The following MXRA7 variants were observed in gnomAD, a reference collection of about 807,000 sequenced individuals.
MXRA7 encodes the protein matrix remodeling associated 7.
MXRA7 carries 18 observed loss-of-function variants against 17.4 expected under a neutral mutation model. The observed-to-expected ratio is 1.03, with a 90% CI of 0.71 to 1.53. The LOEUF (loss-of-function observed/expected upper bound fraction) is 1.53. Ranked by LOEUF, MXRA7 falls within the 40% of genes most tolerant of loss-of-function variation. The pLI, the probability that MXRA7 is intolerant of heterozygous loss-of-function variation, is 0.00. For missense variants in MXRA7, 141 were observed against 209.3 expected (o/e 0.67, Z 2.01); for synonymous variants, 70 against 101.7 (o/e 0.69, Z 1.87).
chr17:76,701,596 T>C (rs550054320), intron 1 of MXRA7, among the ~76,000 whole-genome samples: 9 of 151,676 alleles, frequency 5.9e-5, no homozygotes, highest in Admixed American at 3.3e-4. Context: ...CTGCAGTTGA[T>C]ATTATGGGCA....
intron 2 of MXRA7, among the ~76,000 whole-genome samples, chr17:76,685,412 C>G (rs2076379562): frequency 6.6e-6 from 1 of 152,206 alleles, no homozygotes; most frequent in African/African-American, 2.4e-5. Flanking sequence ...TGCCACATCC[C>G]TCCCAACATC....
chr17:76,702,740 T>A (rs2143671658), intron 1 of MXRA7, among the ~76,000 whole-genome samples: 1 of 151,510 alleles, frequency 6.6e-6, no homozygotes, highest in African/African-American at 2.4e-5. Context: ...TAATCCCAAC[T>A]ATTTGGGAGC....
chr17:76,696,057 TGCACTCCA>T (rs1206919794), intron 1 of MXRA7, among the ~76,000 whole-genome samples: 1 of 152,056 alleles, frequency 6.6e-6, no homozygotes, highest in Non-Finnish European at 1.5e-5. Context: ...ATCGCACCAC[TGCACTCCA>T]GCCTGGGTGA....
exon 4 of MXRA7, chr17:76,674,230 G>A (rs2076222861): frequency 6.6e-6 from 1 of 152,046 alleles, no homozygotes; most frequent in Non-Finnish European, 1.5e-5. Context: ...TCTCTGACAT[G>A]GCTGCCAGGT....
chr17:76,688,783 G>A (rs1238356616), intron 1 of MXRA7: 4 of 801,928 alleles, frequency 5.0e-6, no homozygotes, highest in Non-Finnish European at 6.7e-6. Context: ...GAATGTCAGA[G>A]GATGAGAGCG....
At chr17:76,679,303 AAGAAG>A (rs2076268108), downstream of MXRA7, among the ~76,000 whole-genome samples, 1 of 133,674 alleles carries the variant, frequency 7.5e-6, no homozygotes, top group Non-Finnish European at 1.7e-5. Context: ...AAAAAAAAAA[AAGAAG>A]AAGAAGAGGA....
At position 76,681,391 on chromosome 17, in the gene MXRA7, G is replaced by A. The variant is rs201625714; in HGVS notation, c.501-512C>T. On this transcript the variant is annotated intron_variant, in intron 3 of 3. Transcript: ENST00000449428. This position sits in a 1 kb window ranked among gnomAD's most constrained non-coding sequence, Gnocchi z 4.7. Reference sequence around the variant, plus strand: ...CCTGGGACCACTGAGAACCCAGCAGGTCTGATCTTGTCCCTCTGACGCCCT... The same window carrying A: ...CCTGGGACCACTGAGAACCCAGCAGATCTGATCTTGTCCCTCTGACGCCCT... 1.3e-5 allele frequency among the ~76,000 whole-genome samples: 2 copies of A among 152,050 alleles called. No individual in the cohort carries two copies. Among genetic ancestry groups the A allele is most frequent in the South Asian group, 2.1e-4 (1 of 4,814 alleles).
Position 76,680,753 on chromosome 17 carries a change from C to A in MXRA7, c.*114G>T. 1 of 1,506,278 alleles carries A rather than the reference C, an allele frequency of 6.6e-7. No homozygotes were observed. The highest frequency in any genetic ancestry group is 8.9e-7 in the Non-Finnish European group (1 of 1,129,272). The allele number at this position is 1,506,278 out of a possible 1,614,324, so 93.3% of individuals were successfully genotyped here. A position where few individuals can be genotyped will look rare whatever the true frequency, so the allele number is the denominator to read the frequency against. ...CTAGAGCTCAGCAGATTTATGGAGG[C>A]AGCATGCACCCTGGGAGCCTGCCCA... On this transcript the variant is annotated 3_prime_UTR_variant, in exon 4 of 4. Coordinates refer to ENST00000449428, the MANE Select transcript of MXRA7 (RefSeq NM_198530.4).
chr17:76,701,026 G>A (rs2076585251), intron 1 of MXRA7, among the ~76,000 whole-genome samples: 1 of 152,086 alleles, frequency 6.6e-6, no homozygotes, highest in East Asian at 1.9e-4. Flanking sequence ...AGTAGGCAGG[G>A]TGCTCCTGGA....
At chr17:76,704,829 T>C (rs11868419) in intron 1 of MXRA7, among the ~76,000 whole-genome samples, 69,889 of 149,050 alleles carry the variant, frequency 0.47, 16,365 homozygotes, top group Admixed American at 0.49. Context: ...CTGCATGAGG[T>C]CCCCTTAGAG....
Position 76,681,004 on chromosome 17 carries a change from ACT to A in MXRA7, c.501-127_501-126del, listed in dbSNP as rs1567976000. 2.5e-6 allele frequency: 2 copies of A among 803,824 alleles called. No individual in the cohort carries two copies. Among genetic ancestry groups the A allele is most frequent in the African/African-American group, 3.5e-5 (2 of 57,544 alleles). The allele number at this position is 803,824 out of a possible 1,614,324, so 49.8% of individuals were successfully genotyped here. A position where few individuals can be genotyped will look rare whatever the true frequency, so the allele number is the denominator to read the frequency against. ...TTTGGAATTGCAGAAGCTGCGCTAG[ACT>A]CTGGTTTCTCAAACCACTGCTGATT... is the stretch of plus-strand genomic sequence containing the variant. On this transcript the variant is annotated intron_variant, in intron 3 of 3. Coordinates refer to ENST00000449428, the MANE Select transcript of MXRA7 (RefSeq NM_198530.4). The surrounding 1 kb of genome is among the most constrained non-coding windows in gnomAD (Gnocchi z 4.7).
chr17:76,678,418 C>T (rs1373494035), downstream of MXRA7, among the ~76,000 whole-genome samples: 5 of 152,164 alleles, frequency 3.3e-5, no homozygotes, highest in Non-Finnish European at 7.3e-5. Flanking sequence ...CACCATCTGA[C>T]CAGCACAGGA....
intron 1 of MXRA7, among the ~76,000 whole-genome samples, chr17:76,694,099 G>A (rs777469023): frequency 1.3e-4 from 20 of 152,166 alleles, no homozygotes; most frequent in Admixed American, 7.9e-4. Flanking sequence ...TGGATGGGCG[G>A]GGGCATAGGC....
At position 76,680,706 on chromosome 17, in the gene MXRA7, G is replaced by A; in HGVS notation, c.*161C>T. On this transcript the variant is annotated 3_prime_UTR_variant, in exon 4 of 4. Transcript: ENST00000449428. ...GTGTTCCCAGGATCCTGCTAGCCAAGGGACAAGTCCTGATTGAGGGTCTAG... is the reference window on the plus strand; with the variant it reads ...GTGTTCCCAGGATCCTGCTAGCCAAAGGACAAGTCCTGATTGAGGGTCTAG... 1 of 1,446,258 alleles carries A rather than the reference G, an allele frequency of 6.9e-7. No homozygotes were observed. Among genetic ancestry groups the A allele is most frequent in the Non-Finnish European group, 9.1e-7 (1 of 1,098,722 alleles). 89.6% of individuals were successfully genotyped at this position (1,446,258 alleles called of 1,614,324 possible). A position where few individuals can be genotyped will look rare whatever the true frequency, so the allele number is the denominator to read the frequency against.
chr17:76,707,224 A>G (rs2076671918), intron 1 of MXRA7, among the ~76,000 whole-genome samples: 1 of 151,016 alleles, frequency 6.6e-6, no homozygotes, highest in African/African-American at 2.5e-5. Flanking sequence ...CTAAATCCCA[A>G]TTAAATCTAG....
chr17:76,704,143 G>A (rs62085147), intron 1 of MXRA7, among the ~76,000 whole-genome samples: 64,166 of 147,686 alleles, frequency 0.43, 14,137 homozygotes, highest in Non-Finnish European at 0.46. Context: ...CTACCACCCC[G>A]CAGCAGGGAA....
intron 1 of MXRA7, chr17:76,688,822 T>C (rs2076442669): frequency 1.9e-6 from 1 of 514,896 alleles, no homozygotes; most frequent in Non-Finnish European, 3.0e-6. Context: ...CTCTGTGGGA[T>C]TGAAGGTCAT....
exon 4 of MXRA7, chr17:76,674,290 T>G (rs1012374569): frequency 1.3e-5 from 2 of 152,286 alleles, no homozygotes; most frequent in Non-Finnish European, 2.9e-5. Flanking sequence ...CTGCTGTTTC[T>G]TTCTGCCCTC....
At chr17:76,693,421 C>CGT (rs2076498118) in intron 1 of MXRA7, among the ~76,000 whole-genome samples, 2 of 146,326 alleles carry the variant, frequency 1.4e-5, no homozygotes, top group Admixed American at 6.9e-5. Flanking sequence ...GCTGAGATCA[C>CGT]GCCACTGCAA....
Sources: allele counts gnomAD v4.1 joint callset (sites outside exome capture counted in the v4.1 genomes callset), GRCh38; gene constraint gnomAD v4.1.1; non-coding constraint Gnocchi (gnomAD v3.1); transcripts MANE v1.5; gene names NCBI Gene and HGNC (gene_info 2026-07-23, HGNC 2026-07-21).